Variants in RORA observed in about 807,000 individuals in gnomAD.
RORA encodes nuclear receptor ROR-alpha.
RORA carries 7 observed loss-of-function variants against 69.5 expected under a neutral mutation model. The observed-to-expected ratio is 0.10, with a 90% CI of 0.06 to 0.19. The LOEUF (loss-of-function observed/expected upper bound fraction) is 0.19. Among genes scored for constraint, RORA ranks in the 10% least tolerant of loss-of-function variants. The pLI, the probability that RORA is intolerant of heterozygous loss-of-function variation, is 1.00. For synonymous variants in RORA, 261 were observed against 240.8 expected (o/e 1.08, Z -0.78); for missense variants, 457 against 663.0 (o/e 0.69, Z 3.41).
intron 10 of RORA, 115 bp from the exon 11 acceptor site, chr15:60,497,734 A>C: frequency 1.1e-5 from 9 of 827,456 alleles, no homozygotes; most frequent in Non-Finnish European, 1.8e-5. Flanking sequence ...CACTTAAAGC[A>C]ACTTAAACAT....
intron 1 of RORA, among the ~76,000 whole-genome samples, chr15:61,041,956 T>A (rs1050543901): frequency 1.3e-5 from 2 of 151,978 alleles, no homozygotes; most frequent in Admixed American, 6.6e-5. Flanking sequence ...CACAGAGAGG[T>A]TAAATAACTT....
intron 1 of RORA, among the ~76,000 whole-genome samples, chr15:60,964,118 A>T (rs1893486303): frequency 1.3e-5 from 2 of 152,224 alleles, no homozygotes; most frequent in African/African-American, 4.8e-5. Flanking sequence ...TAATTTGACC[A>T]TGGTCACATA....
At position 61,205,039 on chromosome 15, in the gene RORA, C is replaced by T. The variant is rs191912100; in HGVS notation, c.166+24014G>A. ...GCCTACGCTGGGCCAAATCCTGCCC[C>T]AAAATATCAACGTGTCATATGTGGG... On this transcript the variant is annotated intron_variant, in intron 1 of 10. Coordinates refer to ENST00000335670, the MANE Select transcript of RORA (RefSeq NM_134261.3). 1.7e-3 allele frequency among the ~76,000 whole-genome samples: 254 copies of T among 152,296 alleles called. 1 individual carries two copies. The highest frequency in any genetic ancestry group is 6.0e-3 in the African/African-American group (248 of 41,558).
At chr15:61,155,806 C>T (rs1235804997) in intron 1 of RORA, among the ~76,000 whole-genome samples, 3 of 152,158 alleles carry the variant, frequency 2.0e-5, no homozygotes, top group African/African-American at 7.2e-5. Flanking sequence ...TGGTGAATCA[C>T]CAGGCCCAGA....
chr15:60,597,615 T>TATAC (rs1555436052), intron 2 of RORA, among the ~76,000 whole-genome samples: 2 of 47,638 alleles, frequency 4.2e-5, no homozygotes, highest in Non-Finnish European at 7.3e-5. Context: ...TATATATATA[T>TATAC]ATACATACAT....
chr15:61,007,811 TA>T (rs904557198), intron 1 of RORA, among the ~76,000 whole-genome samples: 29 of 147,556 alleles, frequency 2.0e-4, no homozygotes, highest in African/African-American at 6.6e-4. Context: ...GTTACATATA[TA>T]AAAAATATTA....
intron 2 of RORA, among the ~76,000 whole-genome samples, chr15:60,635,302 T>C (rs984360049): frequency 5.9e-5 from 9 of 152,212 alleles, no homozygotes; most frequent in African/African-American, 1.9e-4. Flanking sequence ...CTTAGGGTGA[T>C]GGTAGTGTAT....
intron 2 of RORA, among the ~76,000 whole-genome samples, chr15:60,634,549 C>T (rs1437188772): frequency 1.3e-5 from 2 of 151,884 alleles, no homozygotes; most frequent in Non-Finnish European, 2.9e-5. Context: ...GGACTACAGG[C>T]GCCCGCCACC....
intron 3 of RORA, among the ~76,000 whole-genome samples, chr15:60,518,343 G>T (rs2066035901): frequency 6.6e-6 from 1 of 152,210 alleles, no homozygotes; most frequent in Admixed American, 6.5e-5. Context: ...TTAATCATCA[G>T]TTAGCTCTGC....
intron 2 of RORA, among the ~76,000 whole-genome samples, chr15:60,649,369 C>T (rs1354241594): frequency 1.3e-5 from 2 of 152,102 alleles, no homozygotes; most frequent in Non-Finnish European, 2.9e-5. Context: ...GCCTCCCACA[C>T]ACATATTGAG....
intron 2 of RORA, among the ~76,000 whole-genome samples, chr15:60,591,299 G>A (rs1286060793): frequency 6.6e-6 from 1 of 150,816 alleles, no homozygotes; most frequent in African/African-American, 2.5e-5. Context: ...CAAGCGGGCG[G>A]CGGGCGGCGG....
intron 1 of RORA, among the ~76,000 whole-genome samples, chr15:61,177,500 T>C (rs116966063): frequency 6.6e-6 from 1 of 152,312 alleles, no homozygotes; most frequent in East Asian, 1.9e-4. Flanking sequence ...TTTACAACGA[T>C]GTGAAAAATA....
chr15:60,571,575 A>G (rs146756470), intron 2 of RORA, among the ~76,000 whole-genome samples: 155 of 152,324 alleles, frequency 1.0e-3, no homozygotes, highest in African/African-American at 3.5e-3. Context: ...TGGCAGTCTT[A>G]GATGAAGCAT....
chr15:60,984,732 A>C (rs8041948), intron 1 of RORA, among the ~76,000 whole-genome samples: 32,105 of 151,208 alleles, frequency 0.21, 3,647 homozygotes, highest in African/African-American at 0.27. Flanking sequence ...TGGGGCACAT[A>C]CCCTCCAAAG....
At chr15:60,837,142 G>T (rs530967828) in intron 1 of RORA, among the ~76,000 whole-genome samples, 1 of 152,002 alleles carries the variant, frequency 6.6e-6, no homozygotes, top group African/African-American at 2.4e-5. Flanking sequence ...AAAGTGCTGG[G>T]ATTATAGGCA....
intron 1 of RORA, among the ~76,000 whole-genome samples, chr15:61,044,658 CTG>C (rs1272204617): frequency 3.9e-5 from 6 of 152,238 alleles, no homozygotes; most frequent in African/African-American, 1.2e-4. Flanking sequence ...ATATTTAACA[CTG>C]TGTCTGTGCT....
At chr15:60,747,016 T>C (rs1353422229) in intron 1 of RORA, among the ~76,000 whole-genome samples, 1 of 152,190 alleles carries the variant, frequency 6.6e-6, no homozygotes, top group Non-Finnish European at 1.5e-5. Flanking sequence ...TTACCATTTG[T>C]GTTCACAGTC....
chr15:60,853,408 G>A (rs963524871), intron 1 of RORA, among the ~76,000 whole-genome samples: 1 of 152,202 alleles, frequency 6.6e-6, no homozygotes, highest in Middle Eastern at 3.4e-3. Flanking sequence ...AACCTTTTCC[G>A]CCATCTCTCT....
At chr15:60,682,535 T>G (rs767352002) in intron 1 of RORA, 7 of 152,228 alleles carry the variant, frequency 4.6e-5, no homozygotes, top group African/African-American at 7.2e-5. Flanking sequence ...TCCCAGCTAC[T>G]CGGGTGACTG....
Sources: allele counts gnomAD v4.1 joint callset (sites outside exome capture counted in the v4.1 genomes callset), GRCh38; gene constraint gnomAD v4.1.1; transcripts MANE v1.5; gene names NCBI Gene and HGNC (gene_info 2026-07-23, HGNC 2026-07-21).